The following AGPAT4 variants were observed in gnomAD, a reference collection of about 807,000 sequenced individuals.
AGPAT4 encodes 1-acyl-sn-glycerol-3-phosphate acyltransferase delta.
Under a neutral mutation model 48.0 loss-of-function variants are expected in AGPAT4, and 15 were observed. The ratio of observed to expected loss-of-function variants is 0.31; its 90% CI spans 0.21 to 0.48. AGPAT4 has a LOEUF of 0.48. AGPAT4 is among the 20% of genes least tolerant of loss of function. The probability of loss-of-function intolerance (pLI) is 0.99; values close to 1 mark genes in which losing one functional copy is unlikely to be tolerated. For missense variants in AGPAT4, 314 were observed against 482.5 expected, an observed-to-expected ratio of 0.65 and a Z score of 3.27; for synonymous variants, 178 against 198.7, an observed-to-expected ratio of 0.90 and a Z score of 0.88.
rs1353749280 is a variant in AGPAT4, at chr6:161,233,867, A to G, written c.-89-1565T>C. 6.6e-5 allele frequency among the ~76,000 whole-genome samples: 10 copies of G among 152,232 alleles called. No homozygotes were observed. Among genetic ancestry groups the G allele is most frequent in the Admixed American group, 5.2e-4 (8 of 15,286 alleles). ...GTAAGAGTTTCACACATGTGATCTC[A>G]TTTTAAGGCTCCTATGAATCCCACA... On this transcript the variant is annotated intron_variant, in intron 1 of 8. Transcript: ENST00000320285. This position sits in a 1 kb window ranked among gnomAD's most constrained non-coding sequence, Gnocchi z 5.4.
At chr6:161,247,472 C>A (rs1403690905) in intron 1 of AGPAT4, among the ~76,000 whole-genome samples, 1 of 152,018 alleles carries the variant, frequency 6.6e-6, no homozygotes, top group Non-Finnish European at 1.5e-5. Context: ...ATTTCAGAGG[C>A]TTTTTTTATT....
chr6:161,253,776 C>G (rs1177381503), intron 1 of AGPAT4, among the ~76,000 whole-genome samples: 1 of 152,124 alleles, frequency 6.6e-6, no homozygotes, highest in Non-Finnish European at 1.5e-5. Context: ...GAGCTCCTTT[C>G]TACATTCAAC....
rs1052689691 is a variant in AGPAT4, at chr6:161,267,428, T to G, written c.-90+6510A>C. ...TGTTCATTATTTGAAAAATATTAGC[T>G]GGGGAACGGGCGCAGTGGCTCACAT... On this transcript the variant is annotated intron_variant, in intron 1 of 8. Transcript: ENST00000320285. The surrounding 1 kb of genome is among the most constrained non-coding windows in gnomAD (Gnocchi z 5.2). 6.6e-6 allele frequency among the ~76,000 whole-genome samples: 1 copy of G among 152,116 alleles called. No individual in the cohort carries two copies. Among genetic ancestry groups the G allele is most frequent in the African/African-American group, 2.4e-5 (1 of 41,424 alleles).
At position 161,138,436 on chromosome 6, in the gene AGPAT4, G is replaced by A. The variant is rs1401377506; in HGVS notation, c.1042+986C>T. 6.6e-6 allele frequency among the ~76,000 whole-genome samples: 1 copy of A among 152,096 alleles called. No individual in the cohort carries two copies. The highest frequency in any genetic ancestry group is 2.4e-5 in the African/African-American group (1 of 41,412). On this transcript the variant is annotated intron_variant, in intron 8 of 8. Coordinates refer to ENST00000320285, the MANE Select transcript of AGPAT4 (RefSeq NM_020133.3). The surrounding 1 kb of genome is among the most constrained non-coding windows in gnomAD (Gnocchi z 4.8). ...GTTATGATTCATTAGGTGAAAAGGC[G>A]AGCTGAAGAAACTCCACTGATACGG...
intron 2 of AGPAT4, among the ~76,000 whole-genome samples, chr6:161,167,075 C>A (rs1027159554): frequency 1.3e-5 from 2 of 152,172 alleles, no homozygotes; most frequent in African/African-American, 2.4e-5. Flanking sequence ...ATCCAGGGAA[C>A]CTATTCCCAA....
At position 161,229,527 on chromosome 6, in the gene AGPAT4, C is replaced by T. The variant is rs994437272; in HGVS notation, c.178+2509G>A. On this transcript the variant is annotated intron_variant, in intron 2 of 8. Coordinates refer to ENST00000320285, the MANE Select transcript of AGPAT4 (RefSeq NM_020133.3). The surrounding 1 kb of genome is among the most constrained non-coding windows in gnomAD (Gnocchi z 6.0). ...GAAATAATTGACAGAGGAAGTCTGT[C>T]AATTATTTAGAGCAAGGAAAAGGAA... Among the ~76,000 whole-genome samples the T allele has an allele frequency of 6.6e-6, 1 of 151,894 alleles. No individual in the cohort carries two copies. Among genetic ancestry groups the T allele is most frequent in the Non-Finnish European group, 1.5e-5 (1 of 67,990 alleles).
chr6:161,135,379 T>TTA lies in AGPAT4; in HGVS notation c.*1160_*1161insTA, dbSNP rs1779033616. 1 of 152,190 alleles carries TTA rather than the reference T, an allele frequency of 6.6e-6. No homozygotes were observed. The highest frequency in any genetic ancestry group is 1.5e-5 in the Non-Finnish European group (1 of 68,032). 9.4% of individuals were successfully genotyped at this position (152,190 alleles called of 1,614,324 possible). A position where few individuals can be genotyped will look rare whatever the true frequency, so the allele number is the denominator to read the frequency against. ...AGCACTGCTTTTAGTTTCTTCTTCTTTTGCATTTTTGGCACCTGTTGGCTG... is the reference window on the plus strand; with the variant it reads ...AGCACTGCTTTTAGTTTCTTCTTCTTTATTGCATTTTTGGCACCTGTTGGCTG... On this transcript the variant is annotated 3_prime_UTR_variant, in exon 9 of 9. Transcript: ENST00000320285.
chr6:161,257,720 T>G (rs1162736005), intron 1 of AGPAT4, among the ~76,000 whole-genome samples: 1 of 151,910 alleles, frequency 6.6e-6, no homozygotes, highest in Non-Finnish European at 1.5e-5. Context: ...TAAAAAGGAA[T>G]GTGGACAAGA....
chr6:161,151,875 C>A (rs1207867175), intron 5 of AGPAT4, among the ~76,000 whole-genome samples: 2 of 152,176 alleles, frequency 1.3e-5, no homozygotes, highest in South Asian at 2.1e-4. Flanking sequence ...CCCTGGGGCC[C>A]AGGGTCGGTG....
At position 161,201,752 on chromosome 6, in the gene AGPAT4, C is replaced by G. The variant is rs1781245291; in HGVS notation, c.178+30284G>C. ...TAAATTACTGTGGCCCAACTAGGGCCAGGTCCTGCTCTCAGCTCTTAAGAT... is the reference window on the plus strand; with the variant it reads ...TAAATTACTGTGGCCCAACTAGGGCGAGGTCCTGCTCTCAGCTCTTAAGAT... On this transcript the variant is annotated intron_variant, in intron 2 of 8. Coordinates refer to ENST00000320285, the MANE Select transcript of AGPAT4 (RefSeq NM_020133.3). The surrounding 1 kb of genome is among the most constrained non-coding windows in gnomAD (Gnocchi z 6.0). 6.6e-6 allele frequency among the ~76,000 whole-genome samples: 1 copy of G among 152,212 alleles called. No individual in the cohort carries two copies. Among genetic ancestry groups the G allele is most frequent in the African/African-American group, 2.4e-5 (1 of 41,440 alleles).
chr6:161,209,539 A>G (rs1781468472), intron 2 of AGPAT4, among the ~76,000 whole-genome samples: 1 of 152,194 alleles, frequency 6.6e-6, no homozygotes, highest in Non-Finnish European at 1.5e-5. Context: ...TGGGACCAGT[A>G]GAACAGGGGG....
Position 161,204,682 on chromosome 6 carries a change from T to TA in AGPAT4, c.178+27353dup, listed in dbSNP as rs913564126. On this transcript the variant is annotated intron_variant, in intron 2 of 8. Coordinates refer to ENST00000320285, the MANE Select transcript of AGPAT4 (RefSeq NM_020133.3). The surrounding 1 kb of genome is among the most constrained non-coding windows in gnomAD (Gnocchi z 4.4). ...ATGGTTGTTTGTCATCAGCAGCTGT[T>TA]AAAAAAAAATGTTCCCTAAATTCAC... is the stretch of plus-strand genomic sequence containing the variant. Among the ~76,000 whole-genome samples the TA allele has an allele frequency of 4.0e-5, 6 of 150,990 alleles. No individual in the cohort carries two copies. Among genetic ancestry groups the TA allele is most frequent in the South Asian group, 2.1e-4 (1 of 4,766 alleles).
Position 161,134,303 on chromosome 6 carries a change from C to T in AGPAT4, c.*2237G>A, listed in dbSNP as rs912155858. 1 of 152,130 alleles carries T rather than the reference C, an allele frequency of 6.6e-6. No homozygotes were observed. Among genetic ancestry groups the T allele is most frequent in the Non-Finnish European group, 1.5e-5 (1 of 68,028 alleles). The allele number at this position is 152,130 out of a possible 1,614,324, so 9.4% of individuals were successfully genotyped here. A position where few individuals can be genotyped will look rare whatever the true frequency, so the allele number is the denominator to read the frequency against. Reference sequence around the variant, plus strand: ...GCTTGTGTGTTGTGTGATACCAGAGCCAATTCAGAAGAAAATTGAATGTCT... The same window carrying T: ...GCTTGTGTGTTGTGTGATACCAGAGTCAATTCAGAAGAAAATTGAATGTCT... On this transcript the variant is annotated 3_prime_UTR_variant, in exon 9 of 9. Transcript: ENST00000320285.
At chr6:161,162,315 C>T (rs909996792) in intron 3 of AGPAT4, among the ~76,000 whole-genome samples, 2 of 152,246 alleles carry the variant, frequency 1.3e-5, no homozygotes, top group African/African-American at 4.8e-5. Flanking sequence ...GATCCACTTC[C>T]AACCAACAGT....
At chr6:161,209,545 G>A (rs1418881053) in intron 2 of AGPAT4, among the ~76,000 whole-genome samples, 1 of 152,152 alleles carries the variant, frequency 6.6e-6, no homozygotes, top group Non-Finnish European at 1.5e-5. Context: ...CAGTAGAACA[G>A]GGGGACTCTG....
At position 161,161,780 on chromosome 6, in the gene AGPAT4, G is replaced by A. The variant is rs978561837; in HGVS notation, c.348+4468C>T. 4 of 303,672 alleles carry A rather than the reference G, an allele frequency of 1.3e-5. No individual in the cohort carries two copies. The highest frequency in any genetic ancestry group is 8.7e-5 in the African/African-American group (4 of 46,214). 18.8% of individuals were successfully genotyped at this position (303,672 alleles called of 1,614,324 possible). On this transcript the variant is annotated intron_variant, in intron 3 of 8. Coordinates refer to ENST00000320285, the MANE Select transcript of AGPAT4 (RefSeq NM_020133.3). This position sits in a 1 kb window ranked among gnomAD's most constrained non-coding sequence, Gnocchi z 4.6. The stretch of plus-strand genomic sequence containing the variant: ...AAACCACACACAATCAACACTCACT[G>A]GACACGTATTTTGAAGGTATATCAA...
chr6:161,230,057 G>C (rs1167204430), intron 2 of AGPAT4, among the ~76,000 whole-genome samples: 2 of 152,146 alleles, frequency 1.3e-5, no homozygotes, highest in African/African-American at 4.8e-5. Flanking sequence ...TAATTAATTT[G>C]TGATGGATAA....
rs1178310720 is a variant in AGPAT4, at chr6:161,254,922, T to C, written c.-90+19016A>G. 6.6e-6 allele frequency among the ~76,000 whole-genome samples: 1 copy of C among 152,188 alleles called. No individual in the cohort carries two copies. Among genetic ancestry groups the C allele is most frequent in the Non-Finnish European group, 1.5e-5 (1 of 68,046 alleles). On this transcript the variant is annotated intron_variant, in intron 1 of 8. Transcript: ENST00000320285. This position sits in a 1 kb window ranked among gnomAD's most constrained non-coding sequence, Gnocchi z 5.9. ...TGGAGAGCTCCAGAAATCCAGCGCC[T>C]GGGCTCACAAAAGCCAGCCCTGACT...
Position 161,215,525 on chromosome 6 carries a change from G to A in AGPAT4, c.178+16511C>T, listed in dbSNP as rs1311194048. On this transcript the variant is annotated intron_variant, in intron 2 of 8. Coordinates refer to ENST00000320285, the MANE Select transcript of AGPAT4 (RefSeq NM_020133.3). This position sits in a 1 kb window ranked among gnomAD's most constrained non-coding sequence, Gnocchi z 4.5. Reference sequence around the variant, plus strand: ...CAGCATGAGTGTGGTTCTCAGGTCTGTCTCTCTGGCACACATTACAGGCAA... The same window carrying A: ...CAGCATGAGTGTGGTTCTCAGGTCTATCTCTCTGGCACACATTACAGGCAA... Among the ~76,000 whole-genome samples the A allele has an allele frequency of 6.6e-6, 1 of 152,138 alleles. No homozygotes were observed. Among genetic ancestry groups the A allele is most frequent in the African/African-American group, 2.4e-5 (1 of 41,426 alleles).
Sources: gnomAD v4.1 joint callset for allele counts (sites outside exome capture counted in the v4.1 genomes callset) on GRCh38, gnomAD v4.1.1 for gene constraint, Gnocchi (gnomAD v3.1) non-coding constraint, MANE v1.5 for transcripts, NCBI Gene and HGNC (gene_info 2026-07-23, HGNC 2026-07-21) for gene names.